Variants in GPRC5A observed in about 807,000 individuals in gnomAD.
GPRC5A encodes the protein retinoic acid-induced protein 3.
GPRC5A carries 19 observed loss-of-function variants against 22.5 expected under a neutral mutation model. That is an observed-to-expected ratio of 0.85 (90% CI 0.59 to 1.24). The LOEUF (loss-of-function observed/expected upper bound fraction) is 1.24, where lower values mean the gene tolerates loss of function less well. Among genes scored for constraint, GPRC5A ranks in the 50% most tolerant of loss-of-function variants. GPRC5A has a pLI of 0.00. For missense variants in GPRC5A, 471 were observed against 451.1 expected (o/e 1.04, Z -0.40); for synonymous variants, 192 against 184.5 (o/e 1.04, Z -0.33).
chr12:12,893,304 A>T (rs1314213757), intron 1 of GPRC5A, among the ~76,000 whole-genome samples: 2 of 152,208 alleles, frequency 1.3e-5, no homozygotes, highest in Admixed American at 1.3e-4. Context: ...TTTGTATTCT[A>T]GTCTTGAATG....
intron 1 of GPRC5A, among the ~76,000 whole-genome samples, chr12:12,895,417 A>G (rs1041655985): frequency 2.7e-5 from 4 of 149,334 alleles, no homozygotes; most frequent in African/African-American, 9.8e-5. Context: ...TTCTTGTAAT[A>G]ATAGTTACTT....
chr12:12,900,555 G>A (rs1275321363), intron 1 of GPRC5A, among the ~76,000 whole-genome samples: 1 of 152,004 alleles, frequency 6.6e-6, no homozygotes, highest in African/African-American at 2.4e-5. Context: ...TCTTCCTCTT[G>A]TTCTTATTCT....
chr12:12,912,234 C>G, intron 3 of GPRC5A, 92 bp downstream of exon 3: 1 of 1,017,694 alleles, frequency 9.8e-7, no homozygotes, highest in Non-Finnish European at 1.6e-6. Context: ...TTTCTCATGG[C>G]CCCTAGATGG....
chr12:12,908,752 T>C lies in GPRC5A; in HGVS notation c.503T>C (p.Leu168Pro), dbSNP rs1390999841. Residue 168 changes from leucine to proline, a missense_variant, in exon 2 of 4, where the codon CTT (leucine) becomes CCT (proline). Leu to Pro is a moderately conservative substitution (Grantham distance 98). Transcript: ENST00000014914. Reference sequence around the variant, plus strand: ...ACCAACGTCAATGTCTTTTCTGAGCTTTCCGCTCCTCGTCGCAATGAAGAC... The same window carrying C: ...ACCAACGTCAATGTCTTTTCTGAGCCTTCCGCTCCTCGTCGCAATGAAGAC... Reference protein sequence around the residue: ...NRTNVNVFSELSAPRRNEDFV... With the variant: ...NRTNVNVFSEPSAPRRNEDFV... 3 of 1,614,130 alleles carry C rather than the reference T, an allele frequency of 1.9e-6. No homozygotes were observed. In the Admixed American group the frequency reaches 5.0e-5, roughly 27 times the overall value.
At chr12:12,910,344 C>T (rs1592352158) in intron 2 of GPRC5A, among the ~76,000 whole-genome samples, 1 of 152,290 alleles carries the variant, frequency 6.6e-6, no homozygotes, top group East Asian at 1.9e-4. Flanking sequence ...CCTGTCCGTT[C>T]CGTGGCTTCA....
intron 3 of GPRC5A, 126 bp from the exon 4 acceptor site, chr12:12,912,321 T>A (rs930846363): frequency 3.6e-6 from 3 of 839,758 alleles, no homozygotes; most frequent in African/African-American, 3.3e-5. Flanking sequence ...GTGCTTGGCA[T>A]AGAGAGGACT....
Position 12,909,073 on chromosome 12 carries a change from T to C in GPRC5A, c.824T>C (p.Met275Thr), listed in dbSNP as rs767538059. Residue 275 changes from methionine (M) to threonine (T), a missense_variant, in exon 2 of 4, where the codon ATG (methionine) becomes ACG (threonine). Met to Thr is a moderately conservative substitution (Grantham distance 81). Transcript: ENST00000014914. Reference sequence around the variant, plus strand: ...CTGCTCACAAAGCAACGAAACCCCATGGATTATCCTGTTGAGGATGCTTTC... The same window carrying C: ...CTGCTCACAAAGCAACGAAACCCCACGGATTATCCTGTTGAGGATGCTTTC... Reference protein sequence around the residue: ...FWLLTKQRNPMDYPVEDAFCK... With the variant: ...FWLLTKQRNPTDYPVEDAFCK... 24 of 1,606,894 alleles carry C rather than the reference T, an allele frequency of 1.5e-5. No individual in the cohort carries two copies. In the South Asian group the frequency reaches 2.1e-4, roughly 14 times the overall value.
In GPRC5A at chr12:12,915,930, G is replaced by A. The variant is rs1864060326; in HGVS notation, c.*3391G>A. 2 of 511,314 alleles carry A rather than the reference G, an allele frequency of 3.9e-6. No individual in the cohort carries two copies. The highest frequency in any genetic ancestry group is 8.2e-6 in the Non-Finnish European group (2 of 245,154). 31.7% of individuals were successfully genotyped at this position (511,314 alleles called of 1,614,324 possible). A position where few individuals can be genotyped will look rare whatever the true frequency, so the allele number is the denominator to read the frequency against. On this transcript the variant is annotated 3_prime_UTR_variant, in exon 4 of 4. Transcript: ENST00000014914. ...CAGAAGGTTGCTGCTCATTTGAGCAGTACCTGTCACCCCTCCTCCCACTGC... is the reference window on the plus strand; with the variant it reads ...CAGAAGGTTGCTGCTCATTTGAGCAATACCTGTCACCCCTCCTCCCACTGC...
At chr12:12,902,391 A>C (rs1863898112) in intron 1 of GPRC5A, among the ~76,000 whole-genome samples, 1 of 152,036 alleles carries the variant, frequency 6.6e-6, no homozygotes, top group Non-Finnish European at 1.5e-5. Context: ...GGAAATATGA[A>C]TCCTAACTAG....
intron 2 of GPRC5A, 63 bp from the exon 3 acceptor site, chr12:12,912,021 T>TA: frequency 1.1e-6 from 1 of 950,974 alleles, no homozygotes; most frequent in East Asian, 2.4e-5. Flanking sequence ...TGATAAGTGA[T>TA]ACAATGGGGT....
intron 3 of GPRC5A, 118 bp downstream of exon 3, chr12:12,912,260 A>T (rs2136463183): frequency 4.4e-6 from 4 of 901,260 alleles, no homozygotes; most frequent in Non-Finnish European, 7.5e-6. Flanking sequence ...TGAAGGAATG[A>T]TGGGTCTTCT....
intron 3 of GPRC5A, 129 bp from the exon 4 acceptor site, chr12:12,912,318 G>T: frequency 1.2e-6 from 1 of 837,844 alleles, no homozygotes; most frequent in Non-Finnish European, 2.1e-6. Flanking sequence ...TGAGTGCTTG[G>T]CATAGAGAGG....
At chr12:12,905,798 C>G (rs574701962) in intron 1 of GPRC5A, among the ~76,000 whole-genome samples, 1 of 152,164 alleles carries the variant, frequency 6.6e-6, no homozygotes, top group Non-Finnish European at 1.5e-5. Flanking sequence ...AGAAAGAAGC[C>G]TTTCTCCTGA....
In GPRC5A at chr12:12,914,576, C is replaced by CT. The variant is rs1223580624; in HGVS notation, c.*2040dup. ...TCTTTCTTTCTTTCTTTCTTTCTTT[C>CT]TTTCTTTCTTTCTTTCTTTCTCTCT... On this transcript the variant is annotated 3_prime_UTR_variant, in exon 4 of 4. Transcript: ENST00000014914. 1 of 82,788 alleles carries CT rather than the reference C, an allele frequency of 1.2e-5. No homozygotes were observed. Among genetic ancestry groups the CT allele is most frequent in the African/African-American group, 7.4e-5 (1 of 13,452 alleles). 5.1% of individuals were successfully genotyped at this position (82,788 alleles called of 1,614,324 possible). A position where few individuals can be genotyped will look rare whatever the true frequency, so the allele number is the denominator to read the frequency against.
At position 12,899,734 on chromosome 12, in the gene GPRC5A, T is replaced by C. The variant is rs1248674998; in HGVS notation, c.-8+8070T>C. ...CTCATAATTACATCATGACTGTTAT[T>C]ACTACTGACTGAATGTAGCAATTCG... On this transcript the variant is annotated intron_variant, in intron 1 of 3. Transcript: ENST00000014914. Among the ~76,000 whole-genome samples, 6 of 152,332 alleles carry C rather than the reference T, an allele frequency of 3.9e-5. No homozygotes were observed. In the East Asian group the frequency reaches 1.2e-3, roughly 29 times the overall value.
chr12:12,909,934 A>AT (rs1443955127), intron 2 of GPRC5A: 3 of 110,612 alleles, frequency 2.7e-5, no homozygotes, highest in African/African-American at 1.2e-4. Flanking sequence ...CTTCATCTCT[A>AT]TTTAAAAAAA....
chr12:12,909,189 C>T lies in GPRC5A; in HGVS notation c.922+18C>T. ...CACTCAAGGTACAGATGCAGCCTGG[C>T]TAGGCAGAGAATCCCTTGTAGAAAG... On this transcript the variant is annotated intron_variant, in intron 2 of 3. Coordinates refer to ENST00000014914, the MANE Select transcript of GPRC5A (RefSeq NM_003979.4). 6.6e-7 allele frequency: 1 copy of T among 1,510,220 alleles called. No individual in the cohort carries two copies. The highest frequency in any genetic ancestry group is 8.9e-7 in the Non-Finnish European group (1 of 1,117,788). The allele number at this position is 1,510,220 out of a possible 1,614,324, so 93.6% of individuals were successfully genotyped here.
rs1061047 is a variant in GPRC5A, at chr12:12,913,286, T to G, written c.*747T>G. The stretch of plus-strand genomic sequence containing the variant: ...CTCATCTCTCTAGTGCTGCCTCACA[T>G]TGGGCCTCAGCAGCTCCCCAGCACC... On this transcript the variant is annotated 3_prime_UTR_variant, in exon 4 of 4. Coordinates refer to ENST00000014914, the MANE Select transcript of GPRC5A (RefSeq NM_003979.4). 1 of 152,654 alleles carries G rather than the reference T, an allele frequency of 6.6e-6. No homozygotes were observed. The highest frequency in any genetic ancestry group is 2.4e-5 in the African/African-American group (1 of 41,370). 9.5% of individuals were successfully genotyped at this position (152,654 alleles called of 1,614,324 possible).
intron 1 of GPRC5A, among the ~76,000 whole-genome samples, chr12:12,894,805 G>A (rs991412524): frequency 3.5e-4 from 37 of 104,364 alleles, no homozygotes; most frequent in African/African-American, 1.2e-3. Context: ...TTGAGACAGA[G>A]TCTCGCTCTG....
Sources: allele counts gnomAD v4.1 joint callset (sites outside exome capture counted in the v4.1 genomes callset), GRCh38; gene constraint gnomAD v4.1.1; transcripts MANE v1.5; gene names NCBI Gene and HGNC (gene_info 2026-07-23, HGNC 2026-07-21).